The following STAC variants were observed in gnomAD, a reference collection of about 807,000 sequenced individuals.
STAC encodes SH3 and cysteine rich domain, also known as SH3 and cysteine-rich domain-containing protein.
In STAC, 43 loss-of-function variants were observed where a neutral mutation model predicts 48.8. The observed-to-expected ratio is 0.88, with a 90% CI of 0.69 to 1.14. The LOEUF is 1.14. STAC is among the 50% of genes most tolerant of loss of function. STAC has a pLI of 0.00. For synonymous variants in STAC, 193 were observed against 179.5 expected (o/e 1.07, Z -0.60); for missense variants, 497 against 504.0 (o/e 0.99, Z 0.13).
intron 10 of STAC, among the ~76,000 whole-genome samples, chr3:36,533,252 G>C (rs1699114236): frequency 6.6e-6 from 1 of 152,042 alleles, no homozygotes; most frequent in South Asian, 2.1e-4. Context: ...CCAGGCACAG[G>C]CATCATCATC....
At chr3:36,490,789 T>C (rs541641253) in intron 5 of STAC, among the ~76,000 whole-genome samples, 1 of 152,328 alleles carries the variant, frequency 6.6e-6, no homozygotes, top group South Asian at 2.1e-4. Flanking sequence ...ATTGGGGATG[T>C]CCCAGTTTGC....
intron 1 of STAC, among the ~76,000 whole-genome samples, chr3:36,439,031 A>G (rs1178098734): frequency 6.6e-6 from 1 of 152,208 alleles, no homozygotes; most frequent in Non-Finnish European, 1.5e-5. Context: ...GGCCAGAAGT[A>G]TTGTCATCTC....
chr3:36,411,454 T>A lies in STAC; in HGVS notation c.111+30700T>A, dbSNP rs892591003. 6.6e-5 allele frequency among the ~76,000 whole-genome samples: 10 copies of A among 152,208 alleles called. No individual in the cohort carries two copies. The South Asian group carries it at 2.1e-3, about 32-fold the overall frequency. On this transcript the variant is annotated intron_variant, in intron 1 of 10. Coordinates refer to ENST00000273183, the MANE Select transcript of STAC (RefSeq NM_003149.3). ...CAGTCATTGAAGCTCAACTCCTTGA[T>A]GTTCCTCAAACACACAGAATATATT...
intron 1 of STAC, among the ~76,000 whole-genome samples, chr3:36,417,340 T>C (rs986810307): frequency 2.6e-5 from 4 of 152,006 alleles, no homozygotes; most frequent in African/African-American, 9.6e-5. Context: ...GCCTTCAACC[T>C]TCTTCCTGTC....
chr3:36,464,252 C>T (rs987135998), intron 2 of STAC, among the ~76,000 whole-genome samples: 3 of 152,150 alleles, frequency 2.0e-5, no homozygotes, highest in Non-Finnish European at 2.9e-5. Flanking sequence ...TTTTGATTTG[C>T]ATTTCTCTGA....
intron 1 of STAC, among the ~76,000 whole-genome samples, chr3:36,390,030 T>C (rs577361403): frequency 6.6e-6 from 1 of 152,202 alleles, no homozygotes; most frequent in South Asian, 2.1e-4. Flanking sequence ...CTTCCAAAAG[T>C]ATGGTAAATA....
At chr3:36,511,953 A>G (rs1698552660) in intron 8 of STAC, among the ~76,000 whole-genome samples, 1 of 152,186 alleles carries the variant, frequency 6.6e-6, no homozygotes, top group African/African-American at 2.4e-5. Context: ...GCAAGACATC[A>G]TAGCAGATTT....
At chr3:36,506,866 G>A (rs576601354) in intron 8 of STAC, among the ~76,000 whole-genome samples, 6 of 152,158 alleles carry the variant, frequency 3.9e-5, no homozygotes, top group Non-Finnish European at 7.4e-5. Context: ...CATGTCCTCT[G>A]CAAACAGAGA....
At chr3:36,472,856 G>A (rs1234484746) in intron 2 of STAC, among the ~76,000 whole-genome samples, 1 of 152,142 alleles carries the variant, frequency 6.6e-6, no homozygotes. Context: ...CTTCTTCTGA[G>A]CCCTCCAAAC....
intron 8 of STAC, among the ~76,000 whole-genome samples, chr3:36,514,491 T>C (rs1698621712): frequency 6.6e-6 from 1 of 152,144 alleles, no homozygotes; most frequent in African/African-American, 2.4e-5. Flanking sequence ...TCTCAAACAC[T>C]TATCTCTACT....
chr3:36,455,975 C>A (rs1575212223), intron 2 of STAC, among the ~76,000 whole-genome samples: 1 of 152,254 alleles, frequency 6.6e-6, no homozygotes, highest in South Asian at 2.1e-4. Flanking sequence ...GGCAACCCTG[C>A]AGCCCCTGCC....
rs1553631483 is a variant in STAC at position 36,398,363 on chromosome 3, G to GAAAGAAAGAAAGAAAGAAAGA, written c.111+17616_111+17617insGAAAGAAAGAAAGAAAAGAAA. Among the ~76,000 whole-genome samples, 98 of 124,964 alleles carry GAAAGAAAGAAAGAAAGAAAGA rather than the reference G, an allele frequency of 7.8e-4. 3 individuals carry two copies. The highest frequency in any genetic ancestry group is 1.3e-3 in the Admixed American group (16 of 11,996). 82.0% of individuals were successfully genotyped at this position (124,964 alleles called of 152,430 possible). A position where few individuals can be genotyped will look rare whatever the true frequency, so the allele number is the denominator to read the frequency against. On this transcript the variant is annotated intron_variant, in intron 1 of 10. Transcript: ENST00000273183. ...AGAAAGAAAGAAAGAAAGAAAGAAA[G>GAAAGAAAGAAAGAAAGAAAGA]AAAGAAAAGAAAGAGAGAAAGAAAG...
At chr3:36,389,217 T>C (rs544746800) in intron 1 of STAC, among the ~76,000 whole-genome samples, 1 of 152,292 alleles carries the variant, frequency 6.6e-6, no homozygotes, top group South Asian at 2.1e-4. Context: ...TAAAACAAAA[T>C]GTCATAAACT....
intron 2 of STAC, among the ~76,000 whole-genome samples, chr3:36,463,910 G>C (rs1386175612): frequency 6.6e-6 from 1 of 151,944 alleles, no homozygotes; most frequent in African/African-American, 2.4e-5. Context: ...TCTTAATCCA[G>C]TCTATCATTG....
chr3:36,503,500 A>G (rs368656118), intron 6 of STAC, among the ~76,000 whole-genome samples: 286 of 152,182 alleles, frequency 1.9e-3, no homozygotes, highest in African/African-American at 6.5e-3. Context: ...GTGTGATCTT[A>G]CCTTACTGCA....
At chr3:36,433,907 T>C (rs1308556947) in intron 1 of STAC, among the ~76,000 whole-genome samples, 3 of 152,212 alleles carry the variant, frequency 2.0e-5, no homozygotes, top group South Asian at 2.1e-4. Flanking sequence ...GCCAGGTAGA[T>C]GTAAGAAGAA....
intron 2 of STAC, among the ~76,000 whole-genome samples, chr3:36,471,031 T>C (rs1017352749): frequency 1.2e-4 from 19 of 152,080 alleles, no homozygotes; most frequent in Non-Finnish European, 2.2e-4. Context: ...TATAGACCTG[T>C]TGTATTAGTC....
chr3:36,515,864 A>T (rs948480557), intron 8 of STAC, among the ~76,000 whole-genome samples: 3 of 151,806 alleles, frequency 2.0e-5, no homozygotes, highest in Admixed American at 6.6e-5. Flanking sequence ...GAGGGAGCCC[A>T]CCTGGGGAGA....
chr3:36,422,646 T>C (rs1306684378), intron 1 of STAC, among the ~76,000 whole-genome samples: 1 of 152,156 alleles, frequency 6.6e-6, no homozygotes, highest in Non-Finnish European at 1.5e-5. Context: ...CATTAGTCTC[T>C]GCCAACAGAG....
Sources: gnomAD v4.1 joint callset for allele counts (sites outside exome capture counted in the v4.1 genomes callset) on GRCh38, gnomAD v4.1.1 for gene constraint, MANE v1.5 for transcripts, NCBI Gene and HGNC (gene_info 2026-07-23, HGNC 2026-07-21) for gene names.